Variants in ARHGAP42 observed in about 807,000 individuals in gnomAD.
ARHGAP42 encodes Rho GTPase activating protein 42.
ARHGAP42 carries 63 observed loss-of-function variants against 125.0 expected under a neutral mutation model. The ratio of observed to expected loss-of-function variants is 0.50; its 90% CI spans 0.41 to 0.62. The LOEUF is 0.62. ARHGAP42 is among the 20% of genes least tolerant of loss of function. The probability of loss-of-function intolerance (pLI) is 0.00; values close to 1 mark genes in which losing one functional copy is unlikely to be tolerated. For synonymous variants in ARHGAP42, 339 were observed against 351.0 expected (o/e 0.97, Z 0.38); for missense variants, 766 against 1,024.2 (o/e 0.75, Z 3.44).
intron 2 of ARHGAP42, among the ~76,000 whole-genome samples, chr11:100,778,545 T>C (rs1359859561): frequency 2.0e-5 from 3 of 152,132 alleles, no homozygotes; most frequent in African/African-American, 7.2e-5. Context: ...AGTTGGACAA[T>C]TGAATTATTG....
chr11:100,801,352 T>C (rs1009637063), intron 3 of ARHGAP42, among the ~76,000 whole-genome samples: 2 of 152,158 alleles, frequency 1.3e-5, no homozygotes, highest in Non-Finnish European at 2.9e-5. Flanking sequence ...ATGAGTATTA[T>C]ATATATATTT....
At chr11:100,800,843 T>G (rs1863834448) in intron 3 of ARHGAP42, among the ~76,000 whole-genome samples, 1 of 152,220 alleles carries the variant, frequency 6.6e-6, no homozygotes, top group Non-Finnish European at 1.5e-5. Context: ...AAATAAGCGC[T>G]GATCACACAA....
intron 14 of ARHGAP42, 100 bp from the exon 15 acceptor site, chr11:100,961,584 C>T (rs1857955907): frequency 7.4e-6 from 7 of 945,234 alleles, no homozygotes; most frequent in Non-Finnish European, 1.1e-5. Flanking sequence ...AAATGAATAC[C>T]TCTCTCTTTT....
At chr11:100,817,296 T>C (rs986997371) in intron 3 of ARHGAP42, among the ~76,000 whole-genome samples, 1 of 152,206 alleles carries the variant, frequency 6.6e-6, no homozygotes, top group Non-Finnish European at 1.5e-5. Context: ...CATTGCCAGA[T>C]ATCTCCATTT....
At chr11:100,904,804 A>T (rs186955201) in intron 4 of ARHGAP42, among the ~76,000 whole-genome samples, 6 of 152,340 alleles carry the variant, frequency 3.9e-5, no homozygotes, top group Admixed American at 3.3e-4. Flanking sequence ...CCTTGGTCAG[A>T]TTACTTCTCT....
At chr11:100,950,855 C>G (rs1302718267) in intron 12 of ARHGAP42, among the ~76,000 whole-genome samples, 1 of 151,880 alleles carries the variant, frequency 6.6e-6, no homozygotes, top group African/African-American at 2.4e-5. Context: ...ACTCAATAAC[C>G]CTGACATTTA....
intron 5 of ARHGAP42, among the ~76,000 whole-genome samples, chr11:100,914,078 G>C (rs1399838803): frequency 1.3e-5 from 2 of 152,056 alleles, no homozygotes; most frequent in Non-Finnish European, 2.9e-5. Flanking sequence ...GAGATTACAG[G>C]CATGTGCCAC....
chr11:100,987,272 T>C (rs1279449536), intron 22 of ARHGAP42, among the ~76,000 whole-genome samples: 1 of 152,198 alleles, frequency 6.6e-6, no homozygotes, highest in African/African-American at 2.4e-5. Context: ...GGGATTACCC[T>C]GGAGAGCATT....
rs190282183 is a variant in ARHGAP42, at chr11:100,898,599, T to C, written c.385-14853T>C. On this transcript the variant is annotated intron_variant, in intron 4 of 23. Transcript: ENST00000298815. ...GTGCATGTGTTGAGGAATTTATCCATTTCTTTTTGATTTTCTAGTTTATTT... is the reference window on the plus strand; with the variant it reads ...GTGCATGTGTTGAGGAATTTATCCACTTCTTTTTGATTTTCTAGTTTATTT... Among the ~76,000 whole-genome samples the C allele has an allele frequency of 6.6e-3, 1,004 of 152,330 alleles. 4 individuals carry two copies. The highest frequency in any genetic ancestry group is 0.011 in the Non-Finnish European group (734 of 68,024).
chr11:100,816,170 A>T (rs905488603), intron 3 of ARHGAP42, among the ~76,000 whole-genome samples: 1 of 152,204 alleles, frequency 6.6e-6, no homozygotes, highest in Non-Finnish European at 1.5e-5. Context: ...CAGTCCAGAA[A>T]GTAGTATTGT....
At chr11:100,752,754 T>C (rs961604468) in intron 1 of ARHGAP42, among the ~76,000 whole-genome samples, 1 of 152,204 alleles carries the variant, frequency 6.6e-6, no homozygotes, top group Admixed American at 6.5e-5. Flanking sequence ...CAAATTCTGG[T>C]TGTAATAGTA....
rs2135289685 is a variant in ARHGAP42 at position 100,954,485 on chromosome 11, G to GA, written c.1162+4529_1162+4530insA. The stretch of plus-strand genomic sequence containing the variant: ...AAATTTCTGCTTGTGTGTTTAAGTG[G>GA]CTTTCCTCAAGTGTACCCGTGTATC... On this transcript the variant is annotated intron_variant, in intron 12 of 23. Coordinates refer to ENST00000298815, the MANE Select transcript of ARHGAP42 (RefSeq NM_152432.4). Among the ~76,000 whole-genome samples, 3 of 151,804 alleles carry GA rather than the reference G, an allele frequency of 2.0e-5. No homozygotes were observed. The South Asian group carries it at 6.2e-4, about 31-fold the overall frequency.
chr11:100,761,193 T>G (rs1025978174), intron 1 of ARHGAP42, among the ~76,000 whole-genome samples: 1 of 152,088 alleles, frequency 6.6e-6, no homozygotes, highest in Non-Finnish European at 1.5e-5. Context: ...GCATCTAAAC[T>G]TAAATGACCA....
chr11:100,921,243 ATATTTTTTTTTTTTTTTTT>A (rs1867257199), intron 5 of ARHGAP42, among the ~76,000 whole-genome samples: 2 of 24,314 alleles, frequency 8.2e-5, no homozygotes, highest in East Asian at 2.6e-3. Context: ...ATATATATAT[ATATTTTTTTTTTTTTTTTT>A]TTTTTTTTTT....
chr11:100,782,830 A>G (rs541952490), intron 2 of ARHGAP42, among the ~76,000 whole-genome samples: 2 of 152,226 alleles, frequency 1.3e-5, no homozygotes, highest in Non-Finnish European at 2.9e-5. Context: ...TATTTCTGCC[A>G]TTGAAATACA....
At chr11:100,702,970 T>G (rs1328732374) in intron 1 of ARHGAP42, among the ~76,000 whole-genome samples, 2 of 152,038 alleles carry the variant, frequency 1.3e-5, no homozygotes, top group Non-Finnish European at 2.9e-5. Context: ...TGCCTGGATA[T>G]TTGTGTTCTA....
In ARHGAP42 at chr11:100,710,393, A is replaced by ATTT. The variant is rs757284837; in HGVS notation, c.154+22574_154+22576dup. The stretch of plus-strand genomic sequence containing the variant: ...AGGTGCATGCCACCATGCCTGGCTA[A>ATTT]TTTTTTTTTTTTTTTGTATTTTTAG... On this transcript the variant is annotated intron_variant, in intron 1 of 23. Transcript: ENST00000298815. Among the ~76,000 whole-genome samples, 74 of 138,352 alleles carry ATTT rather than the reference A, an allele frequency of 5.3e-4. No homozygotes were observed. In the South Asian group the frequency reaches 6.4e-3, roughly 12 times the overall value. The allele number at this position is 138,352 out of a possible 152,430, so 90.8% of individuals were successfully genotyped here.
chr11:100,871,371 C>T (rs1256741260), intron 4 of ARHGAP42, among the ~76,000 whole-genome samples: 3 of 151,204 alleles, frequency 2.0e-5, no homozygotes, highest in Admixed American at 6.6e-5. Context: ...CTGGTGAAAC[C>T]CCCATCTCTA....
At chr11:100,710,320 C>T (rs950726472) in intron 1 of ARHGAP42, among the ~76,000 whole-genome samples, 2 of 151,724 alleles carry the variant, frequency 1.3e-5, no homozygotes, top group African/African-American at 4.8e-5. Flanking sequence ...CTCCACCTCC[C>T]GGTTGAAACG....
Sources: gnomAD v4.1 joint callset for allele counts (sites outside exome capture counted in the v4.1 genomes callset) on GRCh38, gnomAD v4.1.1 for gene constraint, MANE v1.5 for transcripts, NCBI Gene and HGNC (gene_info 2026-07-23, HGNC 2026-07-21) for gene names.